The following KCTD8 variants were observed in gnomAD, a reference collection of about 807,000 sequenced individuals.
The protein encoded by KCTD8 is BTB/POZ domain-containing protein KCTD8.
KCTD8 carries 27 observed loss-of-function variants against 31.5 expected under a neutral mutation model. The ratio of observed to expected loss-of-function variants is 0.86; its 90% CI spans 0.63 to 1.18. The LOEUF (loss-of-function observed/expected upper bound fraction) is 1.18. Among genes scored for constraint, KCTD8 ranks in the 50% most tolerant of loss-of-function variants. The pLI, the probability that KCTD8 is intolerant of heterozygous loss-of-function variation, is 0.00. For synonymous variants in KCTD8, 290 were observed against 280.0 expected, an observed-to-expected ratio of 1.04 and a Z score of -0.36; for missense variants, 658 against 647.7, an observed-to-expected ratio of 1.02 and a Z score of -0.17.
At chr4:44,384,281 G>C (rs1490021820) in intron 1 of KCTD8, among the ~76,000 whole-genome samples, 1 of 151,856 alleles carries the variant, frequency 6.6e-6, no homozygotes, top group Non-Finnish European at 1.5e-5. Flanking sequence ...CACAAATACA[G>C]CTACCATATG....
intron 1 of KCTD8, among the ~76,000 whole-genome samples, chr4:44,417,235 T>C (rs1478349303): frequency 1.3e-5 from 2 of 152,236 alleles, no homozygotes; most frequent in Admixed American, 1.3e-4. Context: ...GATAAGTTTT[T>C]AAAATTATTG....
intron 1 of KCTD8, among the ~76,000 whole-genome samples, chr4:44,302,981 T>A (rs1348402210): frequency 1.3e-5 from 2 of 152,176 alleles, no homozygotes; most frequent in African/African-American, 4.8e-5. Context: ...GATAATCATG[T>A]GGTTTTTGTC....
intron 1 of KCTD8, among the ~76,000 whole-genome samples, chr4:44,405,868 T>A (rs1720782937): frequency 6.7e-6 from 1 of 148,630 alleles, no homozygotes; most frequent in Non-Finnish European, 1.5e-5. Flanking sequence ...TTGTTTATCC[T>A]GAAGCATGTC....
chr4:44,317,785 G>T (rs1268522866), intron 1 of KCTD8, among the ~76,000 whole-genome samples: 2 of 152,194 alleles, frequency 1.3e-5, no homozygotes, highest in Non-Finnish European at 2.9e-5. Flanking sequence ...AACTCTTGAT[G>T]AAAGCTACCC....
chr4:44,241,494 T>C (rs551205118), intron 1 of KCTD8, among the ~76,000 whole-genome samples: 3 of 152,228 alleles, frequency 2.0e-5, no homozygotes, highest in African/African-American at 7.2e-5. Flanking sequence ...GGTAATTAAA[T>C]AGCTTCCAAA....
intron 1 of KCTD8, among the ~76,000 whole-genome samples, chr4:44,426,256 A>G (rs1721342436): frequency 6.6e-6 from 1 of 151,828 alleles, no homozygotes; most frequent in Admixed American, 6.6e-5. Context: ...AAACCCAGTG[A>G]AACAGAGGAA....
intron 1 of KCTD8, among the ~76,000 whole-genome samples, chr4:44,216,228 A>G (rs1714647886): frequency 6.6e-6 from 1 of 152,208 alleles, no homozygotes; most frequent in Admixed American, 6.5e-5. Flanking sequence ...CTGAAGTGCC[A>G]TCTAAATTCA....
chr4:44,280,420 C>T (rs1242883072), intron 1 of KCTD8, among the ~76,000 whole-genome samples: 2 of 152,062 alleles, frequency 1.3e-5, no homozygotes, highest in Non-Finnish European at 2.9e-5. Context: ...TTTTCTATCA[C>T]CGTCGAGAGC....
At chr4:44,214,106 A>G (rs552706282) in intron 1 of KCTD8, among the ~76,000 whole-genome samples, 1 of 152,264 alleles carries the variant, frequency 6.6e-6, no homozygotes, top group South Asian at 2.1e-4. Flanking sequence ...GTAAGCCCTA[A>G]GCACCTATTA....
chr4:44,383,669 C>A (rs1328789916), intron 1 of KCTD8, among the ~76,000 whole-genome samples: 1 of 151,926 alleles, frequency 6.6e-6, no homozygotes, highest in African/African-American at 2.4e-5. Flanking sequence ...AAAACCAATT[C>A]TAAATAGATT....
intron 1 of KCTD8, among the ~76,000 whole-genome samples, chr4:44,244,855 G>T (rs895715039): frequency 6.6e-6 from 1 of 151,126 alleles, no homozygotes; most frequent in Non-Finnish European, 1.5e-5. Context: ...TGTGGGGGGG[G>T]GGGGGTCTTC....
intron 1 of KCTD8, among the ~76,000 whole-genome samples, chr4:44,216,955 A>G (rs1402638138): frequency 6.6e-6 from 1 of 152,164 alleles, no homozygotes; most frequent in East Asian, 1.9e-4. Flanking sequence ...CCTTCCCACT[A>G]ATCTAGAAAT....
chr4:44,433,668 T>C (rs13144404), intron 1 of KCTD8, among the ~76,000 whole-genome samples: 127,979 of 151,514 alleles, frequency 0.84, 54,226 homozygotes, highest in South Asian at 0.9. Flanking sequence ...TCATCTTTTA[T>C]TTGGCCAGCC....
rs538849137 is a variant in KCTD8, at chr4:44,377,501, T to C, written c.961+70062A>G. Among the ~76,000 whole-genome samples, 5 of 152,252 alleles carry C rather than the reference T, an allele frequency of 3.3e-5. No homozygotes were observed. The East Asian group carries it at 9.7e-4, about 30-fold the overall frequency. On this transcript the variant is annotated intron_variant, in intron 1 of 1. Transcript: ENST00000360029. ...TATGGGGTCCTGAGTGCCTCAAGCA[T>C]AGCCTAAAAGAAGGCACAGCTGCAG...
intron 1 of KCTD8, among the ~76,000 whole-genome samples, chr4:44,401,795 T>G (rs1268218620): frequency 6.6e-6 from 1 of 152,218 alleles, no homozygotes. Flanking sequence ...TCTCTTATTC[T>G]CTTATTCTCA....
At chr4:44,267,091 A>C (rs1716401893) in intron 1 of KCTD8, among the ~76,000 whole-genome samples, 1 of 152,032 alleles carries the variant, frequency 6.6e-6, no homozygotes, top group Non-Finnish European at 1.5e-5. Context: ...CAGAATATAC[A>C]TTTTTTTCAG....
chr4:44,310,527 G>C (rs1374079391), intron 1 of KCTD8, among the ~76,000 whole-genome samples: 1 of 152,024 alleles, frequency 6.6e-6, no homozygotes, highest in Non-Finnish European at 1.5e-5. Flanking sequence ...ATCACTTTCA[G>C]GGGGAAAACA....
intron 1 of KCTD8, among the ~76,000 whole-genome samples, chr4:44,382,449 G>A (rs1180105719): frequency 3.9e-5 from 6 of 151,980 alleles, no homozygotes; most frequent in African/African-American, 7.2e-5. Context: ...CAAGATGGTC[G>A]GGCATGGTGG....
At chr4:44,176,860 C>CTATCT (rs1553890661) in intron 1 of KCTD8, among the ~76,000 whole-genome samples, 3,272 of 148,466 alleles carry the variant, frequency 0.022, 52 homozygotes, top group South Asian at 0.026. Context: ...TATATGTCTA[C>CTATCT]ATCTATCTAT....
Sources: gnomAD v4.1 joint callset for allele counts (sites outside exome capture counted in the v4.1 genomes callset) on GRCh38, gnomAD v4.1.1 for gene constraint, MANE v1.5 for transcripts, NCBI Gene and HGNC (gene_info 2026-07-23, HGNC 2026-07-21) for gene names.